RBPMS: variants seen among roughly 807,000 people sequenced by gnomAD.
RBPMS encodes RNA binding protein, mRNA processing factor, also known as RNA-binding protein with multiple splicing.
Under a neutral mutation model 26.8 loss-of-function variants are expected in RBPMS, and 7 were observed. That is an observed-to-expected ratio of 0.26 (90% confidence interval 0.15 to 0.49). The LOEUF is 0.49. RBPMS is among the 20% of genes least tolerant of loss of function. The probability of loss-of-function intolerance (pLI) is 0.98; values close to 1 mark genes in which losing one functional copy is unlikely to be tolerated. For missense variants in RBPMS, 186 were observed against 250.0 expected (o/e 0.74, Z 1.73); for synonymous variants, 96 against 93.3 (o/e 1.03, Z -0.17).
chr8:30,534,782 A>ACT, intron 5 of RBPMS, among the ~76,000 whole-genome samples: 2 of 64 alleles, frequency 0.031, 1 homozygote, highest in Non-Finnish European at 0.077. Context: ...CTACTTTGGG[A>ACT]GGCCGAGGCG....
intron 4 of RBPMS, among the ~76,000 whole-genome samples, chr8:30,496,108 C>A (rs1819909904): frequency 6.6e-6 from 1 of 151,962 alleles, no homozygotes. Context: ...CTTCCTGCCT[C>A]CTGCCTAATG....
At chr8:30,468,172 T>C (rs1477531007) in intron 1 of RBPMS, among the ~76,000 whole-genome samples, 2 of 152,172 alleles carry the variant, frequency 1.3e-5, no homozygotes, top group African/African-American at 4.8e-5. Flanking sequence ...GGCTTTTCTT[T>C]CCCCAAAAAA....
intron 1 of RBPMS, among the ~76,000 whole-genome samples, chr8:30,415,046 A>G (rs961341816): frequency 6.6e-6 from 1 of 151,970 alleles, no homozygotes; most frequent in African/African-American, 2.4e-5. Flanking sequence ...TGAAATCCAG[A>G]TTCAAAGATC....
intron 6 of RBPMS, chr8:30,547,222 T>C: frequency 1.9e-6 from 2 of 1,030,760 alleles, no homozygotes; most frequent in South Asian, 2.8e-5. Context: ...TTGGAGAGGC[T>C]TTAAATAATT....
intron 1 of RBPMS, among the ~76,000 whole-genome samples, chr8:30,420,732 T>G (rs1810675575): frequency 6.6e-6 from 1 of 152,236 alleles, no homozygotes; most frequent in South Asian, 2.1e-4. Context: ...ATCAACCTAT[T>G]AGACATTTGC....
chr8:30,549,772 T>TTTTCTTTTCTTCTCTCTC (rs1182285469), intron 6 of RBPMS, among the ~76,000 whole-genome samples: 75 of 71,188 alleles, frequency 1.1e-3, no homozygotes, highest in Non-Finnish European at 1.4e-3. Flanking sequence ...TTTTCTTTTC[T>TTTTCTTTTCTTCTCTCTC]TCTCTCTCTC....
In RBPMS at chr8:30,569,538, G is replaced by A. The variant is rs75367631; in HGVS notation, c.*112-1099G>A. On this transcript the variant is annotated intron_variant, in intron 8 of 8. Transcript: ENST00000397323. ...GCACGCTCTGCTGAAAGTAGACTGC[G>A]GCCAGGCTTTTGAAGGCCTTGAAGG... 7.0e-3 allele frequency among the ~76,000 whole-genome samples: 1,072 copies of A among 152,318 alleles called. 4 individuals carry two copies. The highest frequency in any genetic ancestry group is 9.3e-3 in the Admixed American group (142 of 15,296).
rs1041499391 is a variant in RBPMS at position 30,428,779 on chromosome 8, C to CT, written c.66+43632dup. 6.1e-3 allele frequency among the ~76,000 whole-genome samples: 879 copies of CT among 144,068 alleles called. 5 individuals are homozygous for CT. The highest frequency in any genetic ancestry group is 0.021 in the Middle Eastern group (6 of 286). The allele number at this position is 144,068 out of a possible 152,430, so 94.5% of individuals were successfully genotyped here. On this transcript the variant is annotated intron_variant, in intron 1 of 8. Transcript: ENST00000397323. ...AAGTACGTACTGTGGGAATATAAGG[C>CT]TTTTTTTTTTTAAGGGTAAGAAAAC...
intron 1 of RBPMS, among the ~76,000 whole-genome samples, chr8:30,474,379 A>AT (rs1044194208): frequency 2.6e-5 from 4 of 152,086 alleles, no homozygotes; most frequent in Admixed American, 6.6e-5. Flanking sequence ...TGCTCATGTC[A>AT]TTTTTTTCTT....
At chr8:30,430,017 C>T (rs1811755744) in intron 1 of RBPMS, among the ~76,000 whole-genome samples, 2 of 152,312 alleles carry the variant, frequency 1.3e-5, no homozygotes, top group Admixed American at 6.5e-5. Context: ...GGGCTCATGC[C>T]TGTAATCACA....
chr8:30,487,731 C>A (rs1178551501), intron 4 of RBPMS, among the ~76,000 whole-genome samples: 2 of 151,546 alleles, frequency 1.3e-5, no homozygotes, highest in Non-Finnish European at 2.9e-5. Context: ...TAAATGAAAC[C>A]AAATTTTAGT....
At chr8:30,541,395 T>C (rs1366219757) in intron 5 of RBPMS, among the ~76,000 whole-genome samples, 1 of 152,126 alleles carries the variant, frequency 6.6e-6, no homozygotes, top group African/African-American at 2.4e-5. Context: ...CATATTCTCA[T>C]GCTAAGAAAA....
intron 1 of RBPMS, among the ~76,000 whole-genome samples, chr8:30,466,368 C>T (rs548225292): frequency 4.6e-5 from 7 of 152,100 alleles, no homozygotes; most frequent in Admixed American, 1.3e-4. Flanking sequence ...GGCAAGACCT[C>T]GTCCCTACAA....
intron 1 of RBPMS, among the ~76,000 whole-genome samples, chr8:30,421,789 T>C (rs1810819483): frequency 6.6e-6 from 1 of 152,088 alleles, no homozygotes; most frequent in South Asian, 2.1e-4. Context: ...ATCCCGTCTC[T>C]ACTAAAAATA....
intron 5 of RBPMS, among the ~76,000 whole-genome samples, chr8:30,518,713 T>TTTTC (rs1319277842): frequency 1.5e-5 from 2 of 135,236 alleles, no homozygotes; most frequent in African/African-American, 5.8e-5. Context: ...TTTTTTTTTT[T>TTTTC]TTCTGAAAAG....
At chr8:30,539,811 A>G (rs1188836271) in intron 5 of RBPMS, among the ~76,000 whole-genome samples, 1 of 151,958 alleles carries the variant, frequency 6.6e-6, no homozygotes, top group Non-Finnish European at 1.5e-5. Flanking sequence ...TTTTTAGTAG[A>G]GATGGAGTTT....
intron 4 of RBPMS, among the ~76,000 whole-genome samples, chr8:30,486,416 A>C (rs1818788424): frequency 6.7e-6 from 1 of 150,098 alleles, no homozygotes; most frequent in Admixed American, 6.7e-5. Flanking sequence ...CAGTGCCCCT[A>C]CTTTTTACCA....
intron 4 of RBPMS, among the ~76,000 whole-genome samples, chr8:30,499,070 A>G (rs1820285626): frequency 1.3e-5 from 2 of 152,200 alleles, no homozygotes; most frequent in Admixed American, 6.5e-5. Flanking sequence ...GATGTAAATA[A>G]TTAACAGGGC....
intron 8 of RBPMS, among the ~76,000 whole-genome samples, chr8:30,570,241 A>G (rs1828178839): frequency 6.6e-6 from 1 of 152,210 alleles, no homozygotes; most frequent in Admixed American, 6.5e-5. Flanking sequence ...CTTTCGGCAC[A>G]CAAATAAGCA....
Sources: allele counts gnomAD v4.1 joint callset (sites outside exome capture counted in the v4.1 genomes callset), GRCh38; gene constraint gnomAD v4.1.1; transcripts MANE v1.5; gene names NCBI Gene and HGNC (gene_info 2026-07-23, HGNC 2026-07-21).